ATP2B1: variants seen among roughly 807,000 people sequenced by gnomAD.
ATP2B1 encodes the protein ATPase plasma membrane Ca2+ transporting 1.
Under a neutral mutation model 124.2 loss-of-function variants are expected in ATP2B1, and 14 were observed. The observed-to-expected ratio is 0.11, with a 90% CI of 0.07 to 0.18. The LOEUF is 0.18. ATP2B1 is among the 10% of genes least tolerant of loss of function. ATP2B1 has a pLI of 1.00. For missense variants in ATP2B1, 763 were observed against 1,466.1 expected, an observed-to-expected ratio of 0.52 and a Z score of 7.83; for synonymous variants, 449 against 492.4, an observed-to-expected ratio of 0.91 and a Z score of 1.17.
rs1186426996 is a variant in ATP2B1 at position 89,644,259 on chromosome 12, T to C, written c.209-1904A>G. On this transcript the variant is annotated intron_variant, in intron 2 of 20. Coordinates refer to ENST00000428670, the MANE Select transcript of ATP2B1 (RefSeq NM_001366521.1). Reference sequence around the variant, plus strand: ...GGCAAGAGCCTATTCCAAGAGAACATCAAAGGAGGAAGACAGGAAAACAGT... The same window carrying C: ...GGCAAGAGCCTATTCCAAGAGAACACCAAAGGAGGAAGACAGGAAAACAGT... 2.0e-5 allele frequency among the ~76,000 whole-genome samples: 3 copies of C among 152,254 alleles called. No individual in the cohort carries two copies. The East Asian group carries it at 5.8e-4, about 29-fold the overall frequency.
In ATP2B1 at chr12:89,644,651, T is replaced by C. The variant is rs74797311; in HGVS notation, c.209-2296A>G. 7.7e-3 allele frequency among the ~76,000 whole-genome samples: 1,178 copies of C among 152,214 alleles called. 36 individuals carry two copies. Among genetic ancestry groups the C allele is most frequent in the Admixed American group, 0.062 (953 of 15,282 alleles). On this transcript the variant is annotated intron_variant, in intron 2 of 20. Coordinates refer to ENST00000428670, the MANE Select transcript of ATP2B1 (RefSeq NM_001366521.1). ...ATGGACTGCAGTAATAAGGATGAGA[T>C]TAGTCTATGCGTAGGTTTGTCTTGT... is the stretch of plus-strand genomic sequence containing the variant.
chr12:89,679,029 G>C (rs12815298), intron 1 of ATP2B1, among the ~76,000 whole-genome samples: 1 of 151,882 alleles, frequency 6.6e-6, no homozygotes, highest in Non-Finnish European at 1.5e-5. Context: ...TTATGCTCCA[G>C]AGTAGATCCA....
At position 89,697,801 on chromosome 12, in the gene ATP2B1, C is replaced by T. The variant is rs574687349; in HGVS notation, c.-222+10795G>A. ...TACTCTGAAGCAACTAGGAAAAGTA[C>T]CCTCAAATCCTTCATCTCCACAAAT... On this transcript the variant is annotated intron_variant, in intron 1 of 20. Transcript: ENST00000428670. 2.7e-5 allele frequency among the ~76,000 whole-genome samples: 4 copies of T among 146,140 alleles called. No individual in the cohort carries two copies. In the South Asian group the frequency reaches 9.1e-4, roughly 33 times the overall value.
chr12:89,608,030 TA>T (rs56394845), intron 15 of ATP2B1, among the ~76,000 whole-genome samples: 1 of 147,872 alleles, frequency 6.8e-6, no homozygotes, highest in Non-Finnish European at 1.5e-5. Flanking sequence ...TTCTTGTAAC[TA>T]AAAAAAAAAC....
At chr12:89,646,831 A>AT (rs1013956534) in intron 2 of ATP2B1, among the ~76,000 whole-genome samples, 79 of 149,568 alleles carry the variant, frequency 5.3e-4, no homozygotes, top group African/African-American at 1.3e-3. Flanking sequence ...TTTTATTTGC[A>AT]TTTTTTTTTT....
At chr12:89,609,902 A>G in intron 15 of ATP2B1, 35 bp downstream of exon 15, 2 of 1,582,606 alleles carry the variant, frequency 1.3e-6, no homozygotes, top group Non-Finnish European at 1.7e-6. Context: ...CAGTCAGTAA[A>G]TTACGTTTGG....
At chr12:89,593,765 A>C (rs1874044835) in intron 20 of ATP2B1, 1 of 152,046 alleles carries the variant, frequency 6.6e-6, no homozygotes, top group Non-Finnish European at 1.5e-5. Flanking sequence ...AATTCTGAGA[A>C]GATTTTTCCT....
intron 3 of ATP2B1, 66 bp downstream of exon 3, chr12:89,642,092 G>T (rs1565859651): frequency 7.0e-7 from 1 of 1,436,146 alleles, no homozygotes; most frequent in Non-Finnish European, 9.7e-7. Flanking sequence ...TATTATTATT[G>T]TGCATTAACT....
At position 89,603,410 on chromosome 12, in the gene ATP2B1, GT is replaced by G; in HGVS notation, c.2849-157del. 1.4e-6 allele frequency: 1 copy of G among 690,704 alleles called. No individual in the cohort carries two copies. The highest frequency in any genetic ancestry group is 2.4e-6 in the Non-Finnish European group (1 of 424,558). 42.8% of individuals were successfully genotyped at this position (690,704 alleles called of 1,614,324 possible). A position where few individuals can be genotyped will look rare whatever the true frequency, so the allele number is the denominator to read the frequency against. On this transcript the variant is annotated intron_variant, in intron 17 of 20. Transcript: ENST00000428670. This position sits in a 1 kb window ranked among gnomAD's most constrained non-coding sequence, Gnocchi z 4.3. ...TGGGATTATCTAGTACAACTCTCTTGTTTTATAGGCAAGGAAACAGAAGCTC... is the reference window on the plus strand; with the variant it reads ...TGGGATTATCTAGTACAACTCTCTTGTTTATAGGCAAGGAAACAGAAGCTC...
At chr12:89,662,647 CA>C (rs1270654018) in intron 1 of ATP2B1, among the ~76,000 whole-genome samples, 4 of 151,924 alleles carry the variant, frequency 2.6e-5, no homozygotes, top group African/African-American at 4.8e-5. Flanking sequence ...GTAAATTCAC[CA>C]AAGGATTTTA....
At chr12:89,645,015 A>G (rs1175277384) in intron 2 of ATP2B1, among the ~76,000 whole-genome samples, 1 of 152,210 alleles carries the variant, frequency 6.6e-6, no homozygotes, top group Non-Finnish European at 1.5e-5. Flanking sequence ...AGGACACTAT[A>G]CCAATAAAAC....
intron 2 of ATP2B1, among the ~76,000 whole-genome samples, chr12:89,648,732 G>A (rs187829947): frequency 6.6e-6 from 1 of 152,358 alleles, no homozygotes; most frequent in African/African-American, 2.4e-5. Flanking sequence ...GGCCTCGAAG[G>A]CATTTCAGAG....
intron 1 of ATP2B1, among the ~76,000 whole-genome samples, chr12:89,703,042 T>C (rs1214157798): frequency 6.6e-6 from 1 of 152,170 alleles, no homozygotes; most frequent in Non-Finnish European, 1.5e-5. Context: ...TAAATAAACC[T>C]TAAGGTGTAG....
chr12:89,605,533 C>A (rs560256615), intron 15 of ATP2B1, among the ~76,000 whole-genome samples: 169 of 152,310 alleles, frequency 1.1e-3, no homozygotes, highest in African/African-American at 3.7e-3. Flanking sequence ...TGCTGGCACC[C>A]TGGCTCTTGG....
chr12:89,599,456 A>G (rs1875362893), intron 19 of ATP2B1, among the ~76,000 whole-genome samples, 157 bp from the exon 20 acceptor site: 1 of 152,212 alleles, frequency 6.6e-6, no homozygotes, highest in South Asian at 2.1e-4. Context: ...CTCCCAGAGC[A>G]AAATACATTC....
At chr12:89,704,410 A>G (rs1892205580) in intron 1 of ATP2B1, among the ~76,000 whole-genome samples, 1 of 152,164 alleles carries the variant, frequency 6.6e-6, no homozygotes, top group African/African-American at 2.4e-5. Context: ...AGCTCAACCC[A>G]AACAAACCCA....
intron 18 of ATP2B1, among the ~76,000 whole-genome samples, chr12:89,601,904 T>C (rs576389497): frequency 1.1e-4 from 17 of 152,284 alleles, no homozygotes; most frequent in Admixed American, 2.0e-4. Context: ...AAATTCCACA[T>C]AGCTGTTTAT....
Position 89,612,381 on chromosome 12 carries a change from T to C in ATP2B1, c.2068-1009A>G, listed in dbSNP as rs139269094. ...ATCCTACTGGAGCAGGGGTTGCAAA[T>C]TAAAATGCCTAAAGGATCACGGAGG... On this transcript the variant is annotated intron_variant, in intron 12 of 20. Transcript: ENST00000428670. Among the ~76,000 whole-genome samples, 863 of 151,820 alleles carry C rather than the reference T, an allele frequency of 5.7e-3. 6 individuals carry two copies. Among genetic ancestry groups the C allele is most frequent in the Non-Finnish European group, 9.2e-3 (628 of 67,896 alleles).
intron 1 of ATP2B1, among the ~76,000 whole-genome samples, chr12:89,702,017 G>A (rs1206860222): frequency 6.6e-6 from 1 of 152,176 alleles, no homozygotes; most frequent in African/African-American, 2.4e-5. Context: ...TATGTGAACA[G>A]CATCCCCTGG....
Sources: allele counts gnomAD v4.1 joint callset (sites outside exome capture counted in the v4.1 genomes callset), GRCh38; gene constraint gnomAD v4.1.1; non-coding constraint Gnocchi (gnomAD v3.1); transcripts MANE v1.5; gene names NCBI Gene and HGNC (gene_info 2026-07-23, HGNC 2026-07-21).